The following GRM5 variants were observed in gnomAD, a reference collection of about 807,000 sequenced individuals.
GRM5 encodes metabotropic glutamate receptor 5.
GRM5 carries 19 observed loss-of-function variants against 83.1 expected under a neutral mutation model. That is an observed-to-expected ratio of 0.23 (90% CI 0.16 to 0.34). The LOEUF is 0.34. Ranked by LOEUF, GRM5 falls within the 10% of genes least tolerant of loss-of-function variation. The pLI, the probability that GRM5 is intolerant of heterozygous loss-of-function variation, is 1.00. For missense variants in GRM5, 1,160 were observed against 1,588.3 expected, an observed-to-expected ratio of 0.73 and a Z score of 4.58; for synonymous variants, 675 against 633.6, an observed-to-expected ratio of 1.07 and a Z score of -0.98.
intron 2 of GRM5, among the ~76,000 whole-genome samples, chr11:89,010,035 T>A (rs985673749): frequency 2.7e-5 from 4 of 146,370 alleles, no homozygotes; most frequent in African/African-American, 9.9e-5. Flanking sequence ...TTATATATAA[T>A]ATAGTTATAT....
intron 7 of GRM5, among the ~76,000 whole-genome samples, chr11:88,571,381 A>T (rs138680881): frequency 4.6e-5 from 7 of 152,220 alleles, no homozygotes; most frequent in African/African-American, 1.7e-4. Flanking sequence ...AACCATTTAG[A>T]AAGTCTTACA....
intron 3 of GRM5, among the ~76,000 whole-genome samples, chr11:88,752,061 C>T (rs1018643186): frequency 3.9e-5 from 6 of 152,186 alleles, no homozygotes; most frequent in Non-Finnish European, 8.8e-5. Context: ...GATGCCCTCT[C>T]TCACACCTCC....
At chr11:88,952,121 AACAAACAC>A (rs1366976261) in intron 2 of GRM5, among the ~76,000 whole-genome samples, 6 of 39,128 alleles carry the variant, frequency 1.5e-4, no homozygotes, top group Non-Finnish European at 6.9e-4. Flanking sequence ...TGCACATACA[AACAAACAC>A]ACACACACAC....
chr11:88,532,902 G>A (rs914961430), intron 8 of GRM5, among the ~76,000 whole-genome samples: 1 of 152,114 alleles, frequency 6.6e-6, no homozygotes, highest in African/African-American at 2.4e-5. Context: ...GGCTCCATCT[G>A]CAAAACATAC....
chr11:89,032,440 C>A (rs893768043), intron 2 of GRM5, among the ~76,000 whole-genome samples: 1 of 152,028 alleles, frequency 6.6e-6, no homozygotes, highest in East Asian at 1.9e-4. Context: ...CCCAACAGTA[C>A]CCTGGCACCA....
chr11:88,688,936 T>C (rs967832919), intron 3 of GRM5, among the ~76,000 whole-genome samples: 4 of 152,196 alleles, frequency 2.6e-5, no homozygotes, highest in African/African-American at 9.6e-5. Flanking sequence ...ATCTACATAT[T>C]TATTGTTATC....
chr11:88,835,513 C>T (rs578697), intron 3 of GRM5, among the ~76,000 whole-genome samples: 74,332 of 151,924 alleles, frequency 0.49, 21,489 homozygotes, highest in African/African-American at 0.76. Context: ...TAGGAAGTGA[C>T]TGGCAGATTT....
At chr11:88,594,735 A>C (rs954028623) in intron 6 of GRM5, among the ~76,000 whole-genome samples, 3 of 152,182 alleles carry the variant, frequency 2.0e-5, no homozygotes, top group African/African-American at 4.8e-5. Context: ...TCAGTATTAA[A>C]ATATTTCAGT....
At chr11:88,730,252 G>A (rs777141754) in intron 3 of GRM5, among the ~76,000 whole-genome samples, 9 of 151,958 alleles carry the variant, frequency 5.9e-5, no homozygotes, top group South Asian at 2.1e-4. Flanking sequence ...ACATTTATGC[G>A]GCCAACAAAC....
At chr11:88,523,087 T>C (rs1941749838) in intron 9 of GRM5, 1 of 152,208 alleles carries the variant, frequency 6.6e-6, no homozygotes, top group Non-Finnish European at 1.5e-5. Flanking sequence ...TCTAAAGCTC[T>C]AAGTATTGAC....
intron 2 of GRM5, among the ~76,000 whole-genome samples, chr11:88,985,197 C>A (rs909074516): frequency 7.9e-5 from 12 of 152,050 alleles, no homozygotes; most frequent in Non-Finnish European, 1.5e-4. Context: ...TATTTTCATA[C>A]CCACAATCCT....
intron 8 of GRM5, among the ~76,000 whole-genome samples, chr11:88,539,188 T>C (rs1942207313): frequency 6.6e-6 from 1 of 152,220 alleles, no homozygotes; most frequent in Admixed American, 6.5e-5. Flanking sequence ...GCTCTAAAGC[T>C]GATGGAGTAT....
At chr11:88,956,542 C>T (rs1222981678) in intron 2 of GRM5, among the ~76,000 whole-genome samples, 1 of 151,222 alleles carries the variant, frequency 6.6e-6, no homozygotes, top group Non-Finnish European at 1.5e-5. Context: ...CGCGGTGGCT[C>T]ACGCCTGTAA....
chr11:89,058,169 G>GT (rs1412526757), intron 1 of GRM5, among the ~76,000 whole-genome samples: 2 of 152,150 alleles, frequency 1.3e-5, no homozygotes, highest in African/African-American at 4.8e-5. Flanking sequence ...AAATTCTTAT[G>GT]TAACGTACAT....
intron 2 of GRM5, chr11:88,984,974 T>G (rs1939655142): frequency 1.8e-6 from 1 of 545,612 alleles, no homozygotes. Context: ...CAGTATTATG[T>G]GTATCATCAA....
intron 8 of GRM5, among the ~76,000 whole-genome samples, chr11:88,565,738 T>G (rs1179682560): frequency 6.6e-6 from 1 of 152,166 alleles, no homozygotes; most frequent in Admixed American, 6.5e-5. Context: ...CAGGATTTAT[T>G]GAAAAAGAAG....
At chr11:88,528,902 A>G (rs1941942954) in intron 8 of GRM5, among the ~76,000 whole-genome samples, 1 of 152,090 alleles carries the variant, frequency 6.6e-6, no homozygotes. Flanking sequence ...GTTTATGAGC[A>G]GGGAGCCCAA....
At chr11:88,943,697 A>T (rs185732907) in intron 2 of GRM5, among the ~76,000 whole-genome samples, 2 of 152,040 alleles carry the variant, frequency 1.3e-5, no homozygotes, top group African/African-American at 4.8e-5. Context: ...AAATAGCAAA[A>T]GAACAGGAGT....
At chr11:88,596,886 T>A (rs1041459857) in intron 6 of GRM5, among the ~76,000 whole-genome samples, 1 of 152,036 alleles carries the variant, frequency 6.6e-6, no homozygotes, top group African/African-American at 2.4e-5. Context: ...TTAAATAAAT[T>A]AGAATTAGTG....
Sources: allele counts gnomAD v4.1 joint callset (sites outside exome capture counted in the v4.1 genomes callset), GRCh38; gene constraint gnomAD v4.1.1; transcripts MANE v1.5; gene names NCBI Gene and HGNC (gene_info 2026-07-23, HGNC 2026-07-21).